The following PRUNE2 variants were observed in gnomAD, a reference collection of about 807,000 sequenced individuals.
PRUNE2 encodes the protein prune homolog 2 with BCH domain.
Under a neutral mutation model 252.0 loss-of-function variants are expected in PRUNE2, and 164 were observed. The ratio of observed to expected loss-of-function variants is 0.65; its 90% CI spans 0.57 to 0.74. The LOEUF (loss-of-function observed/expected upper bound fraction) is 0.74. Ranked by LOEUF, PRUNE2 falls within the 30% of genes least tolerant of loss-of-function variation. The pLI is 0.00. For missense variants in PRUNE2, 3,495 were observed against 3,711.0 expected (o/e 0.94, Z 1.51); for synonymous variants, 1,292 against 1,350.2 (o/e 0.96, Z 0.94).
intron 17 of PRUNE2, 46 bp downstream of exon 17, chr9:76,624,405 AT>A: frequency 3.0e-6 from 4 of 1,327,072 alleles, no homozygotes; most frequent in Non-Finnish European, 2.9e-6. Context: ...CAGTTCTGAA[AT>A]GCAAGCCAAC....
intron 1 of PRUNE2, among the ~76,000 whole-genome samples, chr9:76,869,817 T>C (rs2061079957): frequency 6.6e-6 from 1 of 152,208 alleles, no homozygotes; most frequent in Non-Finnish European, 1.5e-5. Context: ...AATAACCTAT[T>C]TTTCAGCTGC....
chr9:76,638,120 G>A (rs2132648372), intron 13 of PRUNE2, 66 bp downstream of exon 13: 1 of 944,398 alleles, frequency 1.1e-6, no homozygotes, highest in East Asian at 2.4e-5. Flanking sequence ...TTAATTAAAG[G>A]TGCTCTATCT....
chr9:76,801,790 T>G (rs2056575826), intron 6 of PRUNE2, among the ~76,000 whole-genome samples: 1 of 152,206 alleles, frequency 6.6e-6, no homozygotes, highest in African/African-American at 2.4e-5. Flanking sequence ...GCTCCTTGGT[T>G]AGTCAAAGCC....
intron 4 of PRUNE2, among the ~76,000 whole-genome samples, chr9:76,828,108 G>T (rs1309846277): frequency 6.6e-6 from 1 of 152,166 alleles, no homozygotes; most frequent in Non-Finnish European, 1.5e-5. Flanking sequence ...GAAATATTAT[G>T]GGTGAAATAC....
At chr9:76,802,756 C>T (rs1258175183) in intron 6 of PRUNE2, among the ~76,000 whole-genome samples, 3 of 147,212 alleles carry the variant, frequency 2.0e-5, no homozygotes, top group Non-Finnish European at 4.5e-5. Flanking sequence ...TTAAATTTGT[C>T]TACAAAAAAA....
At chr9:76,630,059 C>A (rs1487971743) in intron 15 of PRUNE2, among the ~76,000 whole-genome samples, 2 of 152,054 alleles carry the variant, frequency 1.3e-5, no homozygotes, top group Non-Finnish European at 2.9e-5. Flanking sequence ...ACACTCTTGA[C>A]CATATATTGT....
rs765673678 is a variant in PRUNE2, at chr9:76,710,397, G to C, written c.1877C>G (p.Pro626Arg). ...LVESSPSTEE[P>R]ASLYTEDMTQ... The stretch of plus-strand genomic sequence containing the variant: ...CATATCTTCTGTATAGAGTGAGGCT[G>C]GTTCTTCAGTGGATGGCGAGCTTTC... The change falls in exon 8 of 19, where the codon CCA (proline) becomes CGA (arginine). Residue 626 changes from proline (P) to arginine (R), a missense_variant. Pro to Arg is a moderately radical substitution (Grantham distance 103, BLOSUM62 -2). Coordinates refer to ENST00000376718, the MANE Select transcript of PRUNE2 (RefSeq NM_015225.3). 6.8e-6 allele frequency: 11 copies of C among 1,613,846 alleles called. No homozygotes were observed. The highest frequency in any genetic ancestry group is 1.6e-4 in the Middle Eastern group (1 of 6,084).
intron 6 of PRUNE2, among the ~76,000 whole-genome samples, chr9:76,797,506 T>G (rs989000989): frequency 5.3e-5 from 8 of 152,334 alleles, no homozygotes; most frequent in African/African-American, 1.9e-4. Context: ...GTTATTATTT[T>G]AAAAATTGTT....
intron 1 of PRUNE2, among the ~76,000 whole-genome samples, chr9:76,875,359 TTTTGTTTG>T (rs140711645): frequency 3.3e-5 from 5 of 152,148 alleles, no homozygotes; most frequent in African/African-American, 1.2e-4. Context: ...GCTCTGTGTT[TTTTGTTTG>T]TTTGTTTGTT....
intron 11 of PRUNE2, among the ~76,000 whole-genome samples, chr9:76,647,357 GC>G (rs1377741744): frequency 6.6e-6 from 1 of 152,122 alleles, no homozygotes; most frequent in Non-Finnish European, 1.5e-5. Context: ...CTGGACCCAG[GC>G]CTTTGATCCT....
Position 76,755,863 on chromosome 9 carries a change from C to T in PRUNE2, c.757-42142G>A, listed in dbSNP as rs773566944. On this transcript the variant is annotated intron_variant, in intron 6 of 18. Coordinates refer to ENST00000376718, the MANE Select transcript of PRUNE2 (RefSeq NM_015225.3). ...ACCACAGGTGCACGCCACCACGCCC[C>T]GGTAAATTTTTGCATTTTTAGTAGA... Among the ~76,000 whole-genome samples the T allele has an allele frequency of 5.9e-5, 9 of 152,082 alleles. 1 individual carries two copies. Among genetic ancestry groups the T allele is most frequent in the Admixed American group, 2.6e-4 (4 of 15,256 alleles).
intron 9 of PRUNE2, among the ~76,000 whole-genome samples, chr9:76,674,944 C>A: frequency 2.5e-5 from 1 of 39,636 alleles, no homozygotes; most frequent in Non-Finnish European, 9.6e-5. Context: ...AACGTTAGAC[C>A]TAAAACCATA....
intron 5 of PRUNE2, among the ~76,000 whole-genome samples, chr9:76,824,430 A>G (rs2058224189): frequency 2.0e-5 from 3 of 152,234 alleles, no homozygotes; most frequent in African/African-American, 7.2e-5. Flanking sequence ...AATGCACTTT[A>G]CAAATGTGAC....
At chr9:76,728,337 T>C (rs11145029) in intron 6 of PRUNE2, among the ~76,000 whole-genome samples, 2,554 of 151,776 alleles carry the variant, frequency 0.017, 40 homozygotes, top group Non-Finnish European at 0.024. Flanking sequence ...TACCTAAGAA[T>C]AGCCCAGGGA....
chr9:76,659,207 C>T (rs1391572113), intron 9 of PRUNE2, among the ~76,000 whole-genome samples: 2 of 152,236 alleles, frequency 1.3e-5, no homozygotes, highest in African/African-American at 2.4e-5. Context: ...TACCACATTA[C>T]GATCTAGCCC....
chr9:76,655,837 C>T (rs1849000342), intron 9 of PRUNE2, among the ~76,000 whole-genome samples: 1 of 152,102 alleles, frequency 6.6e-6, no homozygotes, highest in South Asian at 2.1e-4. Context: ...TTTTTAACAA[C>T]AGGGTCAATA....
intron 9 of PRUNE2, among the ~76,000 whole-genome samples, chr9:76,700,448 C>G (rs2045783791): frequency 6.6e-6 from 1 of 152,042 alleles, no homozygotes; most frequent in Non-Finnish European, 1.5e-5. Flanking sequence ...CTGTGATTAC[C>G]TTCCTGTCCC....
intron 1 of PRUNE2, among the ~76,000 whole-genome samples, chr9:76,901,137 T>C (rs2063146471): frequency 6.6e-6 from 1 of 152,184 alleles, no homozygotes; most frequent in Admixed American, 6.5e-5. Context: ...TAAAAAAGTA[T>C]GGCTCTTCTC....
At position 76,822,676 on chromosome 9, in the gene PRUNE2, G is replaced by A. The variant is rs894401677; in HGVS notation, c.756+956C>T. The stretch of plus-strand genomic sequence containing the variant: ...ACAAAAATTAGCCAGGAGTGGTGGC[G>A]GGCGCCTTTAATCCCAGCTACTCAG... On this transcript the variant is annotated intron_variant, in intron 6 of 18. Coordinates refer to ENST00000376718, the MANE Select transcript of PRUNE2 (RefSeq NM_015225.3). Among the ~76,000 whole-genome samples the A allele has an allele frequency of 6.6e-5, 10 of 152,162 alleles. No homozygotes were observed. The South Asian group carries it at 1.0e-3, about 16-fold the overall frequency.
Sources: allele counts gnomAD v4.1 joint callset (sites outside exome capture counted in the v4.1 genomes callset), GRCh38; gene constraint gnomAD v4.1.1; transcripts MANE v1.5; gene names NCBI Gene and HGNC (gene_info 2026-07-23, HGNC 2026-07-21).